The following MPDZ variants were observed in gnomAD, a reference collection of about 807,000 sequenced individuals.
The protein encoded by MPDZ is multiple PDZ domain protein.
A neutral mutation model predicts 239.1 loss-of-function variants in MPDZ; 234 were observed. The observed-to-expected ratio is 0.98, with a 90% confidence interval of 0.88 to 1.09. The LOEUF (loss-of-function observed/expected upper bound fraction) is 1.09. Ranked by LOEUF, MPDZ falls within the 50% of genes least tolerant of loss-of-function variation. MPDZ has a pLI of 0.00. For missense variants in MPDZ, 3,175 were observed against 2,510.0 expected (o/e 1.26, Z -5.66); for synonymous variants, 1,048 against 881.3 (o/e 1.19, Z -3.35).
intron 46 of MPDZ, among the ~76,000 whole-genome samples, chr9:13,108,193 A>C (rs1454548703): frequency 6.6e-6 from 1 of 152,176 alleles, no homozygotes; most frequent in African/African-American, 2.4e-5. Context: ...TTGAGATTCT[A>C]AATTTTTCCC....
Position 13,124,310 on chromosome 9 carries a change from T to A in MPDZ, c.4807+906A>T, listed in dbSNP as rs184704672. On this transcript the variant is annotated intron_variant, in intron 35 of 46. Transcript: ENST00000319217. ...TTTAACACTTCAGTGAATTATCCAG[T>A]CTTTCTAAATAAAGGATTATTTTCG... Among the ~76,000 whole-genome samples, 504 of 152,346 alleles carry A rather than the reference T, an allele frequency of 3.3e-3. 2 individuals are homozygous for A. The highest frequency in any genetic ancestry group is 0.011 in the African/African-American group (476 of 41,584).
At chr9:13,115,427 T>G in intron 39 of MPDZ, 93 bp from the exon 40 acceptor site, 3 of 1,011,348 alleles carry the variant, frequency 3.0e-6, no homozygotes, top group Non-Finnish European at 3.0e-6. Flanking sequence ...AAGACTTTTT[T>G]GAAAGGCATC....
At chr9:13,249,141 CTT>C (rs1388182622) in intron 2 of MPDZ, among the ~76,000 whole-genome samples, 4 of 146,240 alleles carry the variant, frequency 2.7e-5, no homozygotes, top group Non-Finnish European at 6.1e-5. Flanking sequence ...CACACACAAA[CTT>C]AAACAAACAA....
At position 13,125,302 on chromosome 9, in the gene MPDZ, G is replaced by C. The variant is rs1417341504; in HGVS notation, c.4721C>G (p.Ala1574Gly). 6.2e-7 allele frequency: 1 copy of C among 1,613,844 alleles called. No individual in the cohort carries two copies. Among genetic ancestry groups the C allele is most frequent in the South Asian group, 1.1e-5 (1 of 91,074 alleles). ...NPDSQAVPSA[A>G]GAASGEKKNS... is the part of the protein sequence containing the mutation. Reference sequence around the variant, plus strand: ...CTTTTTTTCTCCACTGGCTGCACCAGCTGCTGAAGGAACAGCCTGGGAATC... The same window carrying C: ...CTTTTTTTCTCCACTGGCTGCACCACCTGCTGAAGGAACAGCCTGGGAATC... Residue 1574 changes from alanine to glycine, a missense_variant, in exon 35 of 47, where the codon GCT (alanine) becomes GGT (glycine). Coordinates refer to ENST00000319217, the MANE Select transcript of MPDZ (RefSeq NM_001378778.1).
At chr9:13,176,556 C>T in intron 19 of MPDZ, 139 bp from the exon 20 acceptor site, 1 of 767,928 alleles carries the variant, frequency 1.3e-6, no homozygotes, top group Non-Finnish European at 1.9e-6. Context: ...AAAGCATTAA[C>T]AAACACAATT....
chr9:13,143,620 A>C, intron 26 of MPDZ, 56 bp from the exon 27 acceptor site: 4 of 1,386,504 alleles, frequency 2.9e-6, no homozygotes, highest in East Asian at 2.3e-5. Flanking sequence ...AAAACAACTC[A>C]GTTTTAAAAG....
chr9:13,154,282 G>T (rs1170685487), intron 24 of MPDZ, among the ~76,000 whole-genome samples: 1 of 152,050 alleles, frequency 6.6e-6, no homozygotes, highest in African/African-American at 2.4e-5. Context: ...GAAAAAGGAG[G>T]CCTAGAAAAG....
At chr9:13,182,279 T>C (rs1953447059) in intron 19 of MPDZ, among the ~76,000 whole-genome samples, 1 of 152,102 alleles carries the variant, frequency 6.6e-6, no homozygotes, top group Admixed American at 6.6e-5. Flanking sequence ...ATATTTCCAA[T>C]ATAGAAAAAT....
chr9:13,272,412 G>A (rs770732004), intron 1 of MPDZ, among the ~76,000 whole-genome samples: 1 of 152,112 alleles, frequency 6.6e-6, no homozygotes, highest in Non-Finnish European at 1.5e-5. Flanking sequence ...GATTAAATCA[G>A]AATGAAGAGC....
At position 13,107,003 on chromosome 9, in the gene MPDZ, G is replaced by A. The variant is rs745768687; in HGVS notation, c.6175C>T (p.Arg2059Trp). Reference sequence around the variant, plus strand: ...ATCAAAGTGACAGTGCCTTTTGTCCGTTTAAGGATGGCAACAGCTTCTTCA... The same window carrying A: ...ATCAAAGTGACAGTGCCTTTTGTCCATTTAAGGATGGCAACAGCTTCTTCA... The part of the protein sequence containing the change: ...THEEAVAILK[R>W]TKGTVTLMVL... The change falls in exon 47 of 47, where the codon CGG becomes TGG. Residue 2059 changes from arginine to tryptophan, a missense_variant. Coordinates refer to ENST00000319217, the MANE Select transcript of MPDZ (RefSeq NM_001378778.1). The A allele has an allele frequency of 2.6e-5, 42 of 1,613,462 alleles. No individual in the cohort carries two copies. Among genetic ancestry groups the A allele is most frequent in the East Asian group, 6.7e-5 (3 of 44,886 alleles).
rs373947720 is a variant in MPDZ at position 13,204,014 on chromosome 9, C to T, written c.1546+1022G>A. On this transcript the variant is annotated intron_variant, in intron 12 of 46. Transcript: ENST00000319217. ...ATTAGTACAAGTGAACTCTATAGAT[C>T]TAACTTCTGGAATATCTCTGCAAAC... 5.3e-5 allele frequency among the ~76,000 whole-genome samples: 8 copies of T among 152,166 alleles called. No individual in the cohort carries two copies. In the East Asian group the frequency reaches 1.5e-3, roughly 29 times the overall value.
chr9:13,238,459 C>G (rs182709438), intron 3 of MPDZ, among the ~76,000 whole-genome samples: 3 of 152,158 alleles, frequency 2.0e-5, no homozygotes, highest in African/African-American at 7.2e-5. Context: ...ATGCTGCAGT[C>G]GGCTGCCTTG....
rs1174039088 is a variant in MPDZ at position 13,119,511 on chromosome 9, A to C, written c.5370T>G (p.Ala1790=). 7 of 1,608,558 alleles carry C rather than the reference A, an allele frequency of 4.4e-6. No homozygotes were observed. The highest frequency in any genetic ancestry group is 5.9e-6 in the Non-Finnish European group (7 of 1,177,930). Residue 1790 remains alanine, a synonymous_variant, in exon 39 of 47, where the codon GCT becomes GCG. Transcript: ENST00000319217. ...VRNATQEAVA[A]LLKCSLGTVT... is the part of the protein sequence containing the mutation. ...TTTTTGCATTTTTTACCTTTAGCAA[A>C]GCGGCAACCGCTTCTTGGGTGGCAT...
At chr9:13,249,961 C>T (rs1967492961) in intron 2 of MPDZ, among the ~76,000 whole-genome samples, 1 of 152,174 alleles carries the variant, frequency 6.6e-6, no homozygotes, top group African/African-American at 2.4e-5. Flanking sequence ...ATTAAAAATA[C>T]TGCTAAACTT....
chr9:13,183,659 C>T (rs1953696358), intron 18 of MPDZ, 74 bp from the exon 19 acceptor site: 10 of 1,411,936 alleles, frequency 7.1e-6, no homozygotes, highest in African/African-American at 2.9e-5. Flanking sequence ...CCACTTGAGA[C>T]TAAAAGGCAA....
intron 26 of MPDZ, 51 bp downstream of exon 26, chr9:13,147,497 C>A (rs969512547): frequency 1.4e-6 from 2 of 1,402,140 alleles, no homozygotes; most frequent in Non-Finnish European, 2.0e-6. Context: ...CATTAGATTC[C>A]AAGTTGAACA....
intron 28 of MPDZ, 112 bp downstream of exon 28, chr9:13,139,875 G>C: frequency 8.3e-7 from 1 of 1,211,260 alleles, no homozygotes; most frequent in Middle Eastern, 1.9e-4. Context: ...CAGAATTGCA[G>C]TATATATCAC....
chr9:13,250,843 T>C (rs574895413), intron 1 of MPDZ, among the ~76,000 whole-genome samples: 4 of 152,128 alleles, frequency 2.6e-5, no homozygotes, highest in East Asian at 1.9e-4. Context: ...AGAAATGAAC[T>C]GTGGGCTGGG....
chr9:13,211,681 A>G (rs1032114919), intron 10 of MPDZ, among the ~76,000 whole-genome samples: 19 of 152,272 alleles, frequency 1.2e-4, no homozygotes, highest in African/African-American at 4.1e-4. Context: ...TGTAAACAAC[A>G]TAACGATCCA....
Sources: gnomAD v4.1 joint callset for allele counts (sites outside exome capture counted in the v4.1 genomes callset) on GRCh38, gnomAD v4.1.1 for gene constraint, MANE v1.5 for transcripts, NCBI Gene and HGNC (gene_info 2026-07-23, HGNC 2026-07-21) for gene names.